PTGER4: variants seen among roughly 807,000 people sequenced by gnomAD.
PTGER4 encodes prostaglandin E receptor 4, also known as prostaglandin E2 receptor EP4 subtype.
PTGER4 carries 11 observed loss-of-function variants against 33.2 expected under a neutral mutation model. That is an observed-to-expected ratio of 0.33 (90% CI 0.21 to 0.55). PTGER4 has a LOEUF of 0.55. PTGER4 is among the 20% of genes least tolerant of loss of function. The probability of loss-of-function intolerance (pLI) is 0.92; values close to 1 mark genes in which losing one functional copy is unlikely to be tolerated. For missense variants in PTGER4, 481 were observed against 650.2 expected, an observed-to-expected ratio of 0.74 and a Z score of 2.83; for synonymous variants, 275 against 281.5, an observed-to-expected ratio of 0.98 and a Z score of 0.23.
the PTGER4 span, among the ~76,000 whole-genome samples, chr5:40,738,450 AATAC>A: frequency 3.9e-4 from 25 of 64,360 alleles, no homozygotes; most frequent in African/African-American, 1.5e-3. Context: ...AATAAAATAC[AATAC>A]AATACAATAC....
chr5:40,734,637 G>T, the PTGER4 span, among the ~76,000 whole-genome samples: 6 of 152,148 alleles, frequency 3.9e-5, no homozygotes, highest in Non-Finnish European at 5.9e-5. Context: ...CTCCCAATTA[G>T]ACTTCTAATT....
the PTGER4 span, among the ~76,000 whole-genome samples, chr5:40,739,057 G>C: frequency 6.6e-6 from 1 of 152,110 alleles, no homozygotes; most frequent in African/African-American, 2.4e-5. Context: ...TGTATCAACT[G>C]ACCACATACA....
At position 40,693,194 on chromosome 5, in the gene PTGER4, A is replaced by G. The variant is rs144144859; in HGVS notation, c.*816A>G. The G allele has an allele frequency of 7.1e-3, 6,940 of 982,610 alleles. 24 individuals are homozygous for G. The highest frequency in any genetic ancestry group is 7.9e-3 in the Non-Finnish European group (6,552 of 826,970). The allele number at this position is 982,610 out of a possible 1,614,324, so 60.9% of individuals were successfully genotyped here. ...TTATCCAGAAAACTGTGATTTCAGGAGAACCTAACATGCTGGTGAATATTT... is the reference window on the plus strand; with the variant it reads ...TTATCCAGAAAACTGTGATTTCAGGGGAACCTAACATGCTGGTGAATATTT... On this transcript the variant is annotated 3_prime_UTR_variant, in exon 3 of 3. Coordinates refer to ENST00000302472, the MANE Select transcript of PTGER4 (RefSeq NM_000958.3).
chr5:40,712,893 A>C, the PTGER4 span, among the ~76,000 whole-genome samples: 1 of 152,182 alleles, frequency 6.6e-6, no homozygotes, highest in African/African-American at 2.4e-5. Flanking sequence ...CAGTAGCTTT[A>C]GGGCCACACT....
the PTGER4 span, among the ~76,000 whole-genome samples, chr5:40,741,882 A>G: frequency 3.3e-5 from 5 of 152,088 alleles, no homozygotes; most frequent in Admixed American, 2.0e-4. Context: ...CCAGCTACTC[A>G]GGAGGCTGAG....
chr5:40,726,606 C>T, the PTGER4 span, among the ~76,000 whole-genome samples: 1 of 53,398 alleles, frequency 1.9e-5, no homozygotes, highest in Non-Finnish European at 3.8e-5. Flanking sequence ...TGAATAGAGC[C>T]ATATCAACAG....
intron 2 of PTGER4, among the ~76,000 whole-genome samples, chr5:40,687,996 TG>T (rs1221787654): frequency 6.6e-6 from 1 of 152,214 alleles, no homozygotes; most frequent in East Asian, 1.9e-4. Flanking sequence ...TCATCACCTT[TG>T]ATTATGAAAA....
At chr5:40,736,849 G>A in the PTGER4 span, among the ~76,000 whole-genome samples, 1 of 150,836 alleles carries the variant, frequency 6.6e-6, no homozygotes, top group African/African-American at 2.4e-5. Context: ...TTTGAATGGA[G>A]GTAATCTGAC....
chr5:40,716,334 T>C, the PTGER4 span: 1 of 1,614,204 alleles, frequency 6.2e-7, no homozygotes, highest in Non-Finnish European at 8.5e-7. Flanking sequence ...AGTCTGGAAT[T>C]GACTTTGGTG....
At chr5:40,717,858 G>A in the PTGER4 span, among the ~76,000 whole-genome samples, 5 of 151,776 alleles carry the variant, frequency 3.3e-5, no homozygotes, top group East Asian at 9.7e-4. Context: ...GAGGTCAGAA[G>A]TTCAAGACCA....
At chr5:40,716,491 C>T in the PTGER4 span, 18 of 1,584,062 alleles carry the variant, frequency 1.1e-5, no homozygotes, top group Non-Finnish European at 1.5e-5. Context: ...TTGAAAACTT[C>T]GAATTGCCTA....
chr5:40,711,919 A>C, the PTGER4 span, among the ~76,000 whole-genome samples: 1 of 152,158 alleles, frequency 6.6e-6, no homozygotes, highest in Non-Finnish European at 1.5e-5. Context: ...GTTCAGGTGG[A>C]GGGGAACCAA....
chr5:40,730,115 A>C, the PTGER4 span: 3 of 616,062 alleles, frequency 4.9e-6, no homozygotes, highest in African/African-American at 5.5e-5. Flanking sequence ...AGACAGAACC[A>C]TAAATAATGG....
the PTGER4 span, among the ~76,000 whole-genome samples, chr5:40,739,179 G>A: frequency 6.6e-5 from 10 of 152,150 alleles, no homozygotes; most frequent in African/African-American, 2.4e-4. Flanking sequence ...CTTAAATTAA[G>A]TAATATAAGT....
chr5:40,681,765 C>G lies in PTGER4; in HGVS notation c.772C>G (p.Arg258Gly), dbSNP rs749983266. The change falls in exon 2 of 3, where the codon CGG becomes GGG. Residue 258 changes from arginine to glycine, a missense_variant. This residue lies in a region of PTGER4 where 174 missense variants were observed against 210.5 expected (regional missense o/e 0.83). Coordinates refer to ENST00000302472, the MANE Select transcript of PTGER4 (RefSeq NM_000958.3). The surrounding 1 kb of genome is among the most constrained non-coding windows in gnomAD (Gnocchi z 9.8). ...GCGCCTCAGCGACTTTCGGCGCCGC[C>G]GGAGCTTCCGCCGCATCGCGGGCGC... ...LPRLSDFRRR[R>G]SFRRIAGAEI... 4 of 1,595,900 alleles carry G rather than the reference C, an allele frequency of 2.5e-6. No homozygotes were observed. Among genetic ancestry groups the G allele is most frequent in the Admixed American group, 1.7e-5 (1 of 58,368 alleles).
At chr5:40,697,225 GA>G (rs1459844718), downstream of PTGER4, among the ~76,000 whole-genome samples, 4 of 61,622 alleles carry the variant, frequency 6.5e-5, no homozygotes, top group African/African-American at 2.0e-4. Context: ...AAAGAAAGAA[GA>G]AAAGAAAGAA....
the PTGER4 span, among the ~76,000 whole-genome samples, chr5:40,707,338 C>A: frequency 6.6e-6 from 1 of 152,062 alleles, no homozygotes; most frequent in East Asian, 1.9e-4. Context: ...GGAGGAAGAT[C>A]TACCAAGCAA....
At chr5:40,734,604 T>G in the PTGER4 span, among the ~76,000 whole-genome samples, 1 of 152,152 alleles carries the variant, frequency 6.6e-6, no homozygotes, top group East Asian at 1.9e-4. Context: ...CAAATAGAAA[T>G]GTCAATGTGT....
chr5:40,726,007 A>G, the PTGER4 span, among the ~76,000 whole-genome samples: 16 of 151,528 alleles, frequency 1.1e-4, no homozygotes, highest in Admixed American at 6.6e-4. Context: ...GGATGGTCTC[A>G]ATCTCCTGAC....
Sources: gnomAD v4.1 joint callset for allele counts (sites outside exome capture counted in the v4.1 genomes callset) on GRCh38, gnomAD v4.1.1 for gene constraint, gnomAD v4.1.1 regional missense constraint, Gnocchi (gnomAD v3.1) non-coding constraint, MANE v1.5 for transcripts, NCBI Gene and HGNC (gene_info 2026-07-23, HGNC 2026-07-21) for gene names.